BAHCC1: variants seen among roughly 807,000 people sequenced by gnomAD.
BAHCC1 encodes the protein BAH domain and coiled-coil containing 1.
In BAHCC1, 43 loss-of-function variants were observed where a neutral mutation model predicts 88.2. The ratio of observed to expected loss-of-function variants is 0.49; its 90% CI spans 0.38 to 0.63. BAHCC1 has a LOEUF of 0.63. BAHCC1 is among the 20% of genes least tolerant of loss of function. The pLI, the probability that BAHCC1 is intolerant of heterozygous loss-of-function variation, is 0.00. For synonymous variants in BAHCC1, 1,510 were observed against 745.5 expected, an observed-to-expected ratio of 2.03 and a Z score of -16.71; for missense variants, 3,023 against 1,654.8, an observed-to-expected ratio of 1.83 and a Z score of -14.34.
chr17:81,452,245 AT>A (rs2064652852), intron 13 of BAHCC1, 138 bp downstream of exon 13: 1 of 487,556 alleles, frequency 2.1e-6, no homozygotes, highest in East Asian at 3.5e-5. Context: ...ACCAGGGTCC[AT>A]CGGGGAGGCC....
Position 81,436,379 on chromosome 17 carries a change from C to A in BAHCC1, c.359-1991C>A, listed in dbSNP as rs540274758. 4.6e-4 allele frequency among the ~76,000 whole-genome samples: 70 copies of A among 152,364 alleles called. 1 individual carries two copies. In the South Asian group the frequency reaches 0.014, roughly 31 times the overall value. ...CTGCCAGCTGACTGCCTGCTCCCCGCAGAGAGCGGATGGGCTGGAGGCCTG... is the reference window on the plus strand; with the variant it reads ...CTGCCAGCTGACTGCCTGCTCCCCGAAGAGAGCGGATGGGCTGGAGGCCTG... On this transcript the variant is annotated intron_variant, in intron 3 of 27. Transcript: ENST00000675386.
chr17:81,454,578 CT>C (rs1431173082), intron 14 of BAHCC1, among the ~76,000 whole-genome samples: 1 of 151,938 alleles, frequency 6.6e-6, no homozygotes, highest in Non-Finnish European at 1.5e-5. Context: ...ACCCCCGCCC[CT>C]GGTGGGACTC....
intron 3 of BAHCC1, among the ~76,000 whole-genome samples, chr17:81,436,564 C>T (rs2064365147): frequency 6.6e-6 from 1 of 152,176 alleles, no homozygotes; most frequent in Non-Finnish European, 1.5e-5. Context: ...CCCCCAAGGC[C>T]CTGCCCCTTG....
Position 81,459,253 on chromosome 17 carries a change from C to A in BAHCC1, c.5721C>A (p.Ile1907=). Residue 1907 remains isoleucine, a splice_region_variant and synonymous_variant, in exon 22 of 28, where the codon ATC becomes ATA. Transcript: ENST00000675386. ...ACCTCACATTCCCCAATGCCCCCAGCTATAGCATCGTCATCGAGGGCGAGA... is the reference window on the plus strand; with the variant it reads ...ACCTCACATTCCCCAATGCCCCCAGATATAGCATCGTCATCGAGGGCGAGA... ...GSVRTLQPPD[I]YSIVIEGERG... 2.6e-6 allele frequency: 2 copies of A among 779,112 alleles called. No homozygotes were observed. Among genetic ancestry groups the A allele is most frequent in the South Asian group, 1.3e-5 (1 of 74,536 alleles). The allele number at this position is 779,112 out of a possible 1,614,324, so 48.3% of individuals were successfully genotyped here.
At position 81,459,343 on chromosome 17, in the gene BAHCC1, G is replaced by A. The variant is rs782369865; in HGVS notation, c.5796+15G>A. On this transcript the variant is annotated intron_variant, in intron 22 of 27. Coordinates refer to ENST00000675386, the MANE Select transcript of BAHCC1 (RefSeq NM_001377448.1). ...TGCAGGAAGCGGTGAGGACCGGGCC[G>A]GCCCGCCCCGGGGAGGGGCCTGGCT... is the stretch of plus-strand genomic sequence containing the variant. 44 of 775,158 alleles carry A rather than the reference G, an allele frequency of 5.7e-5. No homozygotes were observed. The highest frequency in any genetic ancestry group is 3.0e-4 in the South Asian group (22 of 74,156). The allele number at this position is 775,158 out of a possible 1,614,324, so 48.0% of individuals were successfully genotyped here. A position where few individuals can be genotyped will look rare whatever the true frequency, so the allele number is the denominator to read the frequency against.
chr17:81,456,910 A>G (rs1275330922), intron 16 of BAHCC1, among the ~76,000 whole-genome samples: 1 of 150,622 alleles, frequency 6.6e-6, no homozygotes, highest in Non-Finnish European at 1.5e-5. Context: ...TGACTGTAGC[A>G]TCCGGCTGAG....
At chr17:81,448,271 G>A (rs1050489728) in intron 11 of BAHCC1, among the ~76,000 whole-genome samples, 6 of 152,146 alleles carry the variant, frequency 3.9e-5, no homozygotes, top group Non-Finnish European at 5.9e-5. Context: ...AGGAACCGTC[G>A]GCTCCCCGCT....
chr17:81,426,356 G>C (rs2064198433), intron 2 of BAHCC1, among the ~76,000 whole-genome samples: 1 of 144,730 alleles, frequency 6.9e-6, no homozygotes, highest in Admixed American at 6.9e-5. Context: ...GGGTGATGTG[G>C]TTGGGGGTGA....
Position 81,445,681 on chromosome 17 carries a change from G to A in BAHCC1, c.3163G>A (p.Asp1055Asn), listed in dbSNP as rs782744069. The stretch of plus-strand genomic sequence containing the variant: ...GGCCGACATCATCACATCCGAACCA[G>A]GTGAGAGTAGCCGCCTGGCCCGGCC... ...STADIITSEP[D>N]LPPGYLRPMA... The change falls in exon 10 of 28, where the codon GAC becomes AAC. Residue 1055 changes from aspartate (D) to asparagine (N), a missense_variant and splice_region_variant. Physicochemically the swap from Asp to Asn is conservative, Grantham distance 23. Coordinates refer to ENST00000675386, the MANE Select transcript of BAHCC1 (RefSeq NM_001377448.1). 1 of 726,508 alleles carries A rather than the reference G, an allele frequency of 1.4e-6. No individual in the cohort carries two copies. Among genetic ancestry groups the A allele is most frequent in the South Asian group, 1.5e-5 (1 of 68,096 alleles). The allele number at this position is 726,508 out of a possible 1,614,324, so 45.0% of individuals were successfully genotyped here. A position where few individuals can be genotyped will look rare whatever the true frequency, so the allele number is the denominator to read the frequency against.
At chr17:81,428,253 C>T (rs2064222806) in intron 3 of BAHCC1, among the ~76,000 whole-genome samples, 1 of 152,212 alleles carries the variant, frequency 6.6e-6, no homozygotes, top group African/African-American at 2.4e-5. Flanking sequence ...CTTCCTGGCT[C>T]ATATGCCCCA....
chr17:81,420,209 A>C (rs2064099546), intron 2 of BAHCC1, among the ~76,000 whole-genome samples: 2 of 152,168 alleles, frequency 1.3e-5, no homozygotes, highest in African/African-American at 4.8e-5. Context: ...TTAGCCATCC[A>C]TGGCAAGGAG....
At position 81,459,074 on chromosome 17, in the gene BAHCC1, A is replaced by G. The variant is rs2030008293; in HGVS notation, c.5626A>G (p.Lys1876Glu). 2 of 767,982 alleles carry G rather than the reference A, an allele frequency of 2.6e-6. No homozygotes were observed. Among genetic ancestry groups the G allele is most frequent in the African/African-American group, 3.4e-5 (2 of 58,904 alleles). 47.6% of individuals were successfully genotyped at this position (767,982 alleles called of 1,614,324 possible). ...CACAGCGCGCTCGTGTGCCATCCAC[A>G]AGGAGGACCTGCGGGACGGGCTGCC... ...AALARSCAIH[K>E]EDLRDGLPVL... The change falls in exon 21 of 28, where the codon AAG becomes GAG. Residue 1876 changes from lysine (K) to glutamate (E), a missense_variant. Physicochemically the swap from Lys to Glu is moderately conservative, Grantham distance 56 (BLOSUM62 1). Transcript: ENST00000675386.
chr17:81,431,677 C>T (rs1598477108), intron 3 of BAHCC1, among the ~76,000 whole-genome samples: 2 of 152,294 alleles, frequency 1.3e-5, no homozygotes, highest in East Asian at 3.9e-4. Context: ...TGGGATGGCA[C>T]CTGCCTCCCC....
At chr17:81,449,807 A>G (rs1305825793) in intron 11 of BAHCC1, among the ~76,000 whole-genome samples, 3 of 151,808 alleles carry the variant, frequency 2.0e-5, no homozygotes, top group Admixed American at 2.0e-4. Flanking sequence ...TGCCCCTCCG[A>G]GCACCTCCTG....
chr17:81,436,201 C>A (rs905019313), intron 3 of BAHCC1, among the ~76,000 whole-genome samples: 1 of 152,212 alleles, frequency 6.6e-6, no homozygotes, highest in African/African-American at 2.4e-5. Context: ...AGGATGGGGG[C>A]ACCAGCCAGG....
intron 2 of BAHCC1, among the ~76,000 whole-genome samples, chr17:81,425,851 G>GGTT (rs1224927115): frequency 7.0e-6 from 1 of 143,416 alleles, no homozygotes; most frequent in Admixed American, 6.9e-5. Flanking sequence ...GTGATGATGT[G>GGTT]GTTGGTGGTG....
At chr17:81,460,022 G>A (rs1385243208) in intron 23 of BAHCC1, among the ~76,000 whole-genome samples, 4 of 152,118 alleles carry the variant, frequency 2.6e-5, no homozygotes, top group African/African-American at 4.8e-5. Context: ...AGGTGGGCAC[G>A]TGGGCGTCAG....
chr17:81,419,207 C>T lies in BAHCC1; in HGVS notation c.179-7593C>T, dbSNP rs141393076. ...CACAGCAGCTTCTGGTCTCCTGGTGCGGGCGGAGGTCCCAGAGTGGCCTCT... is the reference window on the plus strand; with the variant it reads ...CACAGCAGCTTCTGGTCTCCTGGTGTGGGCGGAGGTCCCAGAGTGGCCTCT... On this transcript the variant is annotated intron_variant, in intron 2 of 27. Transcript: ENST00000675386. Among the ~76,000 whole-genome samples, 1,150 of 152,316 alleles carry T rather than the reference C, an allele frequency of 7.6e-3. 22 individuals are homozygous for T. The highest frequency in any genetic ancestry group is 0.026 in the African/African-American group (1,065 of 41,572).
intron 2 of BAHCC1, among the ~76,000 whole-genome samples, chr17:81,417,324 C>T (rs1258749010): frequency 2.6e-5 from 4 of 152,124 alleles, no homozygotes; most frequent in African/African-American, 7.2e-5. Context: ...CGCCCCTGGC[C>T]GACCGCCCCA....
Sources: gnomAD v4.1 joint callset for allele counts (sites outside exome capture counted in the v4.1 genomes callset) on GRCh38, gnomAD v4.1.1 for gene constraint, MANE v1.5 for transcripts, NCBI Gene and HGNC (gene_info 2026-07-23, HGNC 2026-07-21) for gene names.